NUB1: variants seen among roughly 807,000 people sequenced by gnomAD.
The protein encoded by NUB1 is negative regulator of ubiquitin like proteins 1.
NUB1 carries 41 observed loss-of-function variants against 77.1 expected under a neutral mutation model. The ratio of observed to expected loss-of-function variants is 0.53; its 90% CI spans 0.41 to 0.69. The LOEUF (loss-of-function observed/expected upper bound fraction) is 0.69. Among genes scored for constraint, NUB1 ranks in the 30% least tolerant of loss-of-function variants. NUB1 has a pLI of 0.00. For missense variants in NUB1, 643 were observed against 743.8 expected (o/e 0.86, Z 1.58); for synonymous variants, 257 against 281.0 (o/e 0.91, Z 0.85).
chr7:151,365,745 G>A (rs371046404), intron 8 of NUB1, among the ~76,000 whole-genome samples: 207 of 152,300 alleles, frequency 1.4e-3, no homozygotes, highest in African/African-American at 4.5e-3. Context: ...AAACATTCAC[G>A]AAATTAGAAA....
At chr7:151,347,302 T>C (rs1360776405) in intron 2 of NUB1, among the ~76,000 whole-genome samples, 6 of 151,998 alleles carry the variant, frequency 3.9e-5, no homozygotes, top group Non-Finnish European at 8.8e-5. Context: ...CTCAGGAGGC[T>C]AAGGCAGGAG....
Position 151,367,932 on chromosome 7 carries a change from T to A in NUB1, c.1059T>A (p.Ser353Arg). Residue 353 changes from serine to arginine, a missense_variant, in exon 10 of 15, where the codon AGT (serine) becomes AGA (arginine). Physicochemically the swap from Ser to Arg is moderately radical, Grantham distance 110. Coordinates refer to ENST00000568733, the MANE Select transcript of NUB1 (RefSeq NM_001243351.2). Reference protein sequence around the residue: ...YLLQGIRNYHSGNDVEAYEYL... With the variant: ...YLLQGIRNYHRGNDVEAYEYL... ...TTCAAGGGATCCGAAACTATCACAGTGGAAATGATGTAGAGGCTTATGAGT... is the reference window on the plus strand; with the variant it reads ...TTCAAGGGATCCGAAACTATCACAGAGGAAATGATGTAGAGGCTTATGAGT... 2 of 1,594,872 alleles carry A rather than the reference T, an allele frequency of 1.3e-6. No homozygotes were observed. The highest frequency in any genetic ancestry group is 1.7e-6 in the Non-Finnish European group (2 of 1,169,314).
intron 8 of NUB1, among the ~76,000 whole-genome samples, chr7:151,365,984 T>C (rs1013566673): frequency 1.3e-4 from 20 of 152,214 alleles, no homozygotes; most frequent in African/African-American, 4.6e-4. Flanking sequence ...TTCTTATTTT[T>C]AGTAGAACAC....
chr7:151,351,527 T>G, intron 4 of NUB1, 45 bp downstream of exon 4: 1 of 1,383,470 alleles, frequency 7.2e-7, no homozygotes. Flanking sequence ...TGGGCCTTTT[T>G]ACATTGGCTT....
At chr7:151,341,956 C>T (rs920355713) in intron 1 of NUB1, 110 bp downstream of exon 1, 1 of 1,338,614 alleles carries the variant, frequency 7.5e-7, no homozygotes, top group Non-Finnish European at 9.5e-7. Flanking sequence ...GGAGCGGCCG[C>T]GGGGCGGGGG....
intron 9 of NUB1, 67 bp from the exon 10 acceptor site, chr7:151,367,794 G>A (rs1380935155): frequency 2.0e-6 from 2 of 983,234 alleles, no homozygotes. Flanking sequence ...GAATGACAGA[G>A]ATGAGTATTA....
chr7:151,376,252 C>T (rs2150727237), intron 13 of NUB1: 2 of 465,586 alleles, frequency 4.3e-6, no homozygotes, highest in South Asian at 4.7e-5. Context: ...GGCACTGTGA[C>T]CTGGGAAACC....
intron 8 of NUB1, among the ~76,000 whole-genome samples, chr7:151,362,040 C>T (rs147803470): frequency 3.0e-4 from 45 of 152,272 alleles, no homozygotes; most frequent in Admixed American, 9.8e-4. Flanking sequence ...GTTATAAAGA[C>T]ATGGTTGATC....
chr7:151,341,871 C>T (rs1291731278), intron 1 of NUB1, 25 bp downstream of exon 1: 3 of 1,493,688 alleles, frequency 2.0e-6, no homozygotes, highest in Non-Finnish European at 2.7e-6. Context: ...GCCGAGTGTC[C>T]TCGACCCCAG....
At position 151,350,035 on chromosome 7, in the gene NUB1, C is replaced by T. The variant is rs181427852; in HGVS notation, c.285+795C>T. Among the ~76,000 whole-genome samples, 18 of 152,304 alleles carry T rather than the reference C, an allele frequency of 1.2e-4. No individual in the cohort carries two copies. In the East Asian group the frequency reaches 3.1e-3, roughly 26 times the overall value. On this transcript the variant is annotated intron_variant, in intron 3 of 14. Coordinates refer to ENST00000568733, the MANE Select transcript of NUB1 (RefSeq NM_001243351.2). ...AAGGTCACAGGAGTCATGTGTCCAC[C>T]GGACAGGGGGCCTTTCCCTTGTAGG...
intron 7 of NUB1, among the ~76,000 whole-genome samples, chr7:151,358,837 G>C (rs762483043): frequency 4.6e-5 from 7 of 151,856 alleles, no homozygotes; most frequent in Non-Finnish European, 1.0e-4. Flanking sequence ...GGCCGAGGTG[G>C]GTGGATCACA....
chr7:151,361,629 G>T (rs1193996853), intron 8 of NUB1, among the ~76,000 whole-genome samples: 1 of 152,136 alleles, frequency 6.6e-6, no homozygotes, highest in Non-Finnish European at 1.5e-5. Flanking sequence ...TTCTGTTTTG[G>T]TGCATTCCCA....
intron 7 of NUB1, among the ~76,000 whole-genome samples, chr7:151,359,654 G>A (rs1756547936): frequency 6.6e-6 from 1 of 151,916 alleles, no homozygotes. Flanking sequence ...GCTCATGCCT[G>A]TAGTCCTAGC....
rs758822715 is a variant in NUB1, at chr7:151,349,217, T to TAG, written c.262_263insAG (p.Phe88Ter). ...AACGGGAATTGCTACAATCGAGGTG[T>TAG]TTTTACCACCAAGACTAAAAAAAGT... ...RTTGIATIEV[F>*]LPPRLKKDRK... The change falls in exon 3 of 15, where the codon TTT becomes TAGTT. Residue 88 changes from phenylalanine to a stop codon, truncating the protein, a stop_gained and frameshift_variant. Transcript: ENST00000568733. LOFTEE classifies it high-confidence loss of function. 1 of 1,610,958 alleles carries TAG rather than the reference T, an allele frequency of 6.2e-7. No individual in the cohort carries two copies. The highest frequency in any genetic ancestry group is 2.2e-5 in the East Asian group (1 of 44,818).
At chr7:151,355,716 C>T in intron 5 of NUB1, 52 bp from the exon 6 acceptor site, 4 of 1,464,184 alleles carry the variant, frequency 2.7e-6, no homozygotes, top group Non-Finnish European at 3.7e-6. Flanking sequence ...TGGACTGTTA[C>T]CTGGTAAGCT....
At chr7:151,343,975 A>G (rs1360664416) in intron 1 of NUB1, among the ~76,000 whole-genome samples, 1 of 151,836 alleles carries the variant, frequency 6.6e-6, no homozygotes, top group African/African-American at 2.4e-5. Flanking sequence ...AGGTCAGGAG[A>G]TTGAGACCAT....
chr7:151,374,731 T>TAG (rs1798128393), intron 12 of NUB1: 1 of 172,998 alleles, frequency 5.8e-6, no homozygotes, highest in Non-Finnish European at 1.3e-5. Flanking sequence ...AGCAGTGACT[T>TAG]TACCTGGGCC....
At chr7:151,362,331 T>C (rs1024411955) in intron 8 of NUB1, among the ~76,000 whole-genome samples, 4 of 152,222 alleles carry the variant, frequency 2.6e-5, no homozygotes, top group Non-Finnish European at 4.4e-5. Flanking sequence ...GATTTCTCTC[T>C]TTTCATAAAG....
intron 4 of NUB1, 82 bp downstream of exon 4, chr7:151,351,564 A>G: frequency 1.0e-6 from 1 of 975,554 alleles, no homozygotes; most frequent in Non-Finnish European, 1.6e-6. Context: ...GCGTCCTCTT[A>G]AGATAGGTAG....
Sources: allele counts gnomAD v4.1 joint callset (sites outside exome capture counted in the v4.1 genomes callset), GRCh38; gene constraint gnomAD v4.1.1; transcripts MANE v1.5; gene names NCBI Gene and HGNC (gene_info 2026-07-23, HGNC 2026-07-21).